The following TRIM66 variants were observed in gnomAD, a reference collection of about 807,000 sequenced individuals.
TRIM66 encodes tripartite motif containing 66.
Under a neutral mutation model 148.2 loss-of-function variants are expected in TRIM66, and 99 were observed. The ratio of observed to expected loss-of-function variants is 0.67; its 90% CI spans 0.57 to 0.79. The LOEUF is 0.79. Ranked by LOEUF, TRIM66 falls within the 30% of genes least tolerant of loss-of-function variation. The pLI, the probability that TRIM66 is intolerant of heterozygous loss-of-function variation, is 0.00. For missense variants in TRIM66, 1,666 were observed against 1,697.9 expected (o/e 0.98, Z 0.33); for synonymous variants, 616 against 635.9 (o/e 0.97, Z 0.47).
At chr11:8,663,216 T>C (rs1045040315) in intron 6 of TRIM66, 3 of 152,254 alleles carry the variant, frequency 2.0e-5, no homozygotes, top group African/African-American at 7.2e-5. Flanking sequence ...CCCATCTTCC[T>C]AGTTGCTGGG....
intron 17 of TRIM66, among the ~76,000 whole-genome samples, chr11:8,623,812 T>C (rs2141871069): frequency 6.6e-6 from 1 of 152,266 alleles, no homozygotes; most frequent in East Asian, 1.9e-4. Context: ...CAAATCCACA[T>C]TAGTGTCAGG....
rs1392171790 is a variant in TRIM66 at position 8,640,569 on chromosome 11, T to C, written c.1806A>G (p.Leu602=). ...GGGGGAGGGGTGGTGGTGGAGGTGG[T>C]AGCTGCTGCTGTGGCTGCTGCTGAA... ...SHFQQQPQQQ[L]PPPPPPLPHP... Residue 602 remains leucine (L), a synonymous_variant, in exon 14 of 25, where the codon CTA becomes CTG. Coordinates refer to ENST00000646038, the MANE Select transcript of TRIM66 (RefSeq NM_001388022.1). The C allele has an allele frequency of 1.9e-6, 3 of 1,548,166 alleles. No homozygotes were observed. Among genetic ancestry groups the C allele is most frequent in the African/African-American group, 1.4e-5 (1 of 72,766 alleles).
rs2033712049 is a variant in TRIM66, at chr11:8,616,247, T to A, written c.*1697A>T. On this transcript the variant is annotated 3_prime_UTR_variant, in exon 25 of 25. Coordinates refer to ENST00000646038, the MANE Select transcript of TRIM66 (RefSeq NM_001388022.1). ...GGCATGGTTTGCTTTAAAGTGAAGA[T>A]GATCTCTCAGGTTGGGTAGAGAAGG... The A allele has an allele frequency of 6.6e-6, 1 of 152,232 alleles. No individual in the cohort carries two copies. The highest frequency in any genetic ancestry group is 1.5e-5 in the Non-Finnish European group (1 of 68,054). 9.4% of individuals were successfully genotyped at this position (152,232 alleles called of 1,614,324 possible). A position where few individuals can be genotyped will look rare whatever the true frequency, so the allele number is the denominator to read the frequency against.
Position 8,624,450 on chromosome 11 carries a change from C to T in TRIM66, c.2928G>A (p.Leu976=), listed in dbSNP as rs571306281. The change falls in exon 17 of 25, where the codon CTG becomes CTA. Residue 976 remains leucine (L), a synonymous_variant. Coordinates refer to ENST00000646038, the MANE Select transcript of TRIM66 (RefSeq NM_001388022.1). Reference sequence around the variant, plus strand: ...TCACAGAGAGGTTAATTGGCTCCTCCAGTTCTGAGGGGATGGCCAAGTCCT... The same window carrying T: ...TCACAGAGAGGTTAATTGGCTCCTCTAGTTCTGAGGGGATGGCCAAGTCCT... ...APKDLAIPSE[L]EEPINLSVKK... is the part of the protein sequence containing the mutation. 88 of 1,551,640 alleles carry T rather than the reference C, an allele frequency of 5.7e-5. 1 individual carries two copies. The South Asian group carries it at 9.8e-4, about 17-fold the overall frequency.
intron 13 of TRIM66, 141 bp downstream of exon 13, chr11:8,642,868 A>AAAAT: frequency 3.9e-6 from 1 of 254,072 alleles, no homozygotes; most frequent in Non-Finnish European, 7.2e-6. Context: ...AAAAAAAAAA[A>AAAAT]GGTTTGCTGA....
At chr11:8,674,435 G>A (rs1291897852) in intron 4 of TRIM66, among the ~76,000 whole-genome samples, 5 of 151,996 alleles carry the variant, frequency 3.3e-5, no homozygotes, top group Admixed American at 2.6e-4. Flanking sequence ...CTAGGCTGGA[G>A]GGCAGTCGTG....
At chr11:8,638,619 C>A (rs773472800) in intron 15 of TRIM66, 35 bp downstream of exon 15, 9 of 1,539,944 alleles carry the variant, frequency 5.8e-6, no homozygotes, top group South Asian at 3.7e-5. Flanking sequence ...GGCAGTGGGT[C>A]CCATGTAGTT....
At chr11:8,636,853 C>A (rs1229973785) in intron 15 of TRIM66, among the ~76,000 whole-genome samples, 1 of 152,112 alleles carries the variant, frequency 6.6e-6, no homozygotes, top group Non-Finnish European at 1.5e-5. Flanking sequence ...AGTTCCAAAG[C>A]ATAATTTAGA....
At position 8,649,747 on chromosome 11, in the gene TRIM66, T is replaced by C; in HGVS notation, c.585A>G (p.Gly195=). The C allele has an allele frequency of 6.5e-7, 1 of 1,546,834 alleles. No homozygotes were observed. Among genetic ancestry groups the C allele is most frequent in the Non-Finnish European group, 8.7e-7 (1 of 1,146,898 alleles). The change falls in exon 8 of 25, where the codon GGA becomes GGG. Residue 195 remains glycine, a synonymous_variant. Coordinates refer to ENST00000646038, the MANE Select transcript of TRIM66 (RefSeq NM_001388022.1). The part of the protein sequence containing the change: ...GGPFFPRAQK[G]SPGVNGGPGD... ...GAGAGGTGGGATTGGTACCTGGAGA[T>C]CCCTTCTGGGCCCGAGGAAAGAATG...
chr11:8,625,172 T>A lies in TRIM66; in HGVS notation c.2367A>T (p.Ser789=). 1 of 1,539,656 alleles carries A rather than the reference T, an allele frequency of 6.5e-7. No homozygotes were observed. Among genetic ancestry groups the A allele is most frequent in the East Asian group, 2.5e-5 (1 of 40,734 alleles). ...GFSNTLEMEL[S]STRLERPLEP... is the part of the protein sequence containing the mutation. ...CTAGGGGCCTCTCCAACCTGGTAGA[T>A]GACAACTCCATCTCCAGAGTGTTGG... The change falls in exon 16 of 25, where the codon TCA becomes TCT. Residue 789 remains serine (S), a synonymous_variant. Transcript: ENST00000646038.
At chr11:8,624,267 G>C (rs146775606) in intron 17 of TRIM66, 92 bp downstream of exon 17, 5 of 1,394,092 alleles carry the variant, frequency 3.6e-6, no homozygotes, top group African/African-American at 1.5e-5. Context: ...CCCCAGCTTA[G>C]AGCTTGTCTG....
intron 3 of TRIM66, among the ~76,000 whole-genome samples, chr11:8,675,454 C>T (rs2039132184): frequency 6.6e-6 from 1 of 152,054 alleles, no homozygotes; most frequent in Non-Finnish European, 1.5e-5. Flanking sequence ...GTGATCTTGG[C>T]TCATAGAAAC....
chr11:8,642,090 C>A (rs2036443423), intron 13 of TRIM66, among the ~76,000 whole-genome samples: 1 of 152,168 alleles, frequency 6.6e-6, no homozygotes, highest in Non-Finnish European at 1.5e-5. Flanking sequence ...ACCGGCACTG[C>A]CCCCTGAGGC....
chr11:8,620,363 T>A, intron 21 of TRIM66, 83 bp downstream of exon 21: 1 of 1,521,866 alleles, frequency 6.6e-7, no homozygotes, highest in South Asian at 1.2e-5. Flanking sequence ...AAGCCCCTCA[T>A]CCCCTCTCAA....
rs1413542781 is a variant in TRIM66, at chr11:8,643,001, A to G, written c.1222+8T>C. 1.3e-6 allele frequency: 2 copies of G among 1,548,044 alleles called. No individual in the cohort carries two copies. Among genetic ancestry groups the G allele is most frequent in the Non-Finnish European group, 1.7e-6 (2 of 1,144,994 alleles). ...TGGGTAGGCCTGGGTGGGTGGGTCC[A>G]AGCTCACCAAGAGAAGCTAGCTGCT... On this transcript the variant is annotated splice_region_variant and intron_variant, in intron 13 of 24. Coordinates refer to ENST00000646038, the MANE Select transcript of TRIM66 (RefSeq NM_001388022.1).
At chr11:8,673,798 T>C (rs545841581) in intron 4 of TRIM66, among the ~76,000 whole-genome samples, 9 of 152,384 alleles carry the variant, frequency 5.9e-5, no homozygotes, top group Non-Finnish European at 1.2e-4. Context: ...GTTTTATATT[T>C]GTACTTATTT....
At chr11:8,656,641 A>C (rs1405031676) in intron 6 of TRIM66, among the ~76,000 whole-genome samples, 1 of 152,214 alleles carries the variant, frequency 6.6e-6, no homozygotes, top group African/African-American at 2.4e-5. Context: ...CACTCTCTGA[A>C]CCAGGCACTT....
intron 1 of TRIM66, among the ~76,000 whole-genome samples, chr11:8,681,877 C>A (rs1273002103): frequency 1.3e-5 from 2 of 151,900 alleles, no homozygotes; most frequent in African/African-American, 4.8e-5. Context: ...GGGTCACAGG[C>A]GTGTTATGTA....
rs1015005543 is a variant in TRIM66 at position 8,625,061 on chromosome 11, C to T, written c.2478G>A (p.Val826=). 41 of 1,551,614 alleles carry T rather than the reference C, an allele frequency of 2.6e-5. No homozygotes were observed. The highest frequency in any genetic ancestry group is 3.5e-5 in the Non-Finnish European group (40 of 1,147,018). ...PSLLSAPPKM[V]SSLTSVQNQA... is the part of the protein sequence containing the mutation. ...GGTTTTGAACACTTGTCAGGCTGGA[C>T]ACCATTTTGGGGGGAGCACTCAGCA... Residue 826 remains valine (V), a synonymous_variant, in exon 16 of 25, where the codon GTG becomes GTA. Transcript: ENST00000646038.
Sources: gnomAD v4.1 joint callset for allele counts (sites outside exome capture counted in the v4.1 genomes callset) on GRCh38, gnomAD v4.1.1 for gene constraint, MANE v1.5 for transcripts, NCBI Gene and HGNC (gene_info 2026-07-23, HGNC 2026-07-21) for gene names.